EMX1: variants seen among roughly 807,000 people sequenced by gnomAD.
The protein encoded by EMX1 is homeobox protein EMX1.
EMX1 carries 10 observed loss-of-function variants against 20.1 expected under a neutral mutation model. The ratio of observed to expected loss-of-function variants is 0.50; its 90% CI spans 0.31 to 0.84. EMX1 has a LOEUF of 0.84. EMX1 is among the 40% of genes least tolerant of loss of function. EMX1 has a pLI of 0.05. For synonymous variants in EMX1, 250 were observed against 200.4 expected (o/e 1.25, Z -2.09); for missense variants, 424 against 431.9 (o/e 0.98, Z 0.16).
At chr2:72,924,622 C>T (rs1671163201) in intron 2 of EMX1, 129 bp downstream of exon 2, 1 of 1,148,846 alleles carries the variant, frequency 8.7e-7, no homozygotes, top group Non-Finnish European at 1.2e-6. Context: ...CCCCATTCCC[C>T]GCGGCGCTGC....
intron 1 of EMX1, 119 bp downstream of exon 1, chr2:72,918,491 C>A (rs1174383791): frequency 3.2e-6 from 4 of 1,269,242 alleles, no homozygotes. Flanking sequence ...GGCTGCAGGT[C>A]CGCGGAGGTA....
chr2:72,926,200 AT>A, intron 2 of EMX1: 3 of 985,374 alleles, frequency 3.0e-6, no homozygotes, highest in Non-Finnish European at 3.6e-6. Context: ...TAAACTTTCA[AT>A]TTTTTAGCTC....
chr2:72,916,545 C>T, upstream of EMX1: 1 of 612,248 alleles, frequency 1.6e-6, no homozygotes, highest in Non-Finnish European at 2.9e-6. Context: ...TGAGAACTGC[C>T]CCCGGGGAAT....
intron 1 of EMX1, among the ~76,000 whole-genome samples, chr2:72,921,876 C>T (rs1209838092): frequency 1.3e-5 from 2 of 152,210 alleles, no homozygotes; most frequent in Non-Finnish European, 2.9e-5. Flanking sequence ...GGTACAGAAG[C>T]TTGTTGCCTT....
chr2:72,923,789 C>T (rs1007152606), intron 1 of EMX1: 2 of 204,620 alleles, frequency 9.8e-6, no homozygotes, highest in Admixed American at 1.1e-4. Context: ...GTGTGCCTAG[C>T]ACCCCGCTGC....
At chr2:72,927,275 C>A (rs1290564527) in intron 2 of EMX1, among the ~76,000 whole-genome samples, 1 of 152,228 alleles carries the variant, frequency 6.6e-6, no homozygotes, top group Non-Finnish European at 1.5e-5. Flanking sequence ...TCGCAACTGA[C>A]AAACAGTATA....
At chr2:72,924,891 A>C (rs142853156) in intron 2 of EMX1, among the ~76,000 whole-genome samples, 9 of 152,130 alleles carry the variant, frequency 5.9e-5, no homozygotes, top group African/African-American at 2.2e-4. Context: ...TTTTCCCGCC[A>C]CTGTGTCGGG....
Position 72,934,320 on chromosome 2 carries a change from G to A in EMX1, c.*366G>A, listed in dbSNP as rs1671331405. The stretch of plus-strand genomic sequence containing the variant: ...GATCCCCAGTGTCCCCCTTCCCTAT[G>A]GGAATAATAAAAGTCTCTCTCTTAA... On this transcript the variant is annotated 3_prime_UTR_variant, in exon 3 of 3. Transcript: ENST00000258106. The A allele has an allele frequency of 1.6e-5, 3 of 188,504 alleles. No individual in the cohort carries two copies. The highest frequency in any genetic ancestry group is 7.0e-5 in the African/African-American group (3 of 42,554). 11.7% of individuals were successfully genotyped at this position (188,504 alleles called of 1,614,324 possible).
At chr2:72,928,293 A>G (rs1216465981) in intron 2 of EMX1, among the ~76,000 whole-genome samples, 1 of 152,228 alleles carries the variant, frequency 6.6e-6, no homozygotes, top group Non-Finnish European at 1.5e-5. Context: ...CTGGTTGGGC[A>G]GACCTGGGCC....
intron 1 of EMX1, among the ~76,000 whole-genome samples, chr2:72,919,582 C>G (rs906557218): frequency 6.6e-6 from 1 of 152,200 alleles, no homozygotes; most frequent in Non-Finnish European, 1.5e-5. Flanking sequence ...TGAAAATTAT[C>G]TCTTGACACT....
In EMX1 at chr2:72,917,808, C is replaced by CGCGA. The variant is rs1352468237; in HGVS notation, c.-41_-38dup. 5.5e-6 allele frequency: 7 copies of CGCGA among 1,273,776 alleles called. No individual in the cohort carries two copies. The highest frequency in any genetic ancestry group is 6.9e-6 in the Non-Finnish European group (7 of 1,013,008). The allele number at this position is 1,273,776 out of a possible 1,614,324, so 78.9% of individuals were successfully genotyped here. A position where few individuals can be genotyped will look rare whatever the true frequency, so the allele number is the denominator to read the frequency against. ...GCCTGGCTCGCCCGCGGGGGCCGAG[C>CGCGA]GCGAGCGGGCGGGCGGGGGAGGTGA... On this transcript the variant is annotated 5_prime_UTR_variant, in exon 1 of 3. Transcript: ENST00000258106.
upstream of EMX1, chr2:72,916,928 G>C (rs1387664000): frequency 1.4e-6 from 1 of 717,226 alleles, no homozygotes. Context: ...GGCTTCTCCC[G>C]CGCAGTGCCC....
At chr2:72,918,443 G>A (rs565656478) in intron 1 of EMX1, 71 bp downstream of exon 1, 8 of 1,348,562 alleles carry the variant, frequency 5.9e-6, no homozygotes, top group South Asian at 3.6e-5. Flanking sequence ...GGGGAGGCTC[G>A]GGGGCGCGCG....
upstream of EMX1, chr2:72,916,984 G>A: frequency 2.8e-6 from 2 of 709,768 alleles, no homozygotes; most frequent in Non-Finnish European, 5.3e-6. Context: ...TTCCAGAGCT[G>A]TCCCCCGTGA....
Position 72,917,876 on chromosome 2 carries a change from C to A in EMX1, c.24C>A (p.Pro8=), listed in dbSNP as rs1355448594. 2 of 1,477,764 alleles carry A rather than the reference C, an allele frequency of 1.4e-6. No individual in the cohort carries two copies. The highest frequency in any genetic ancestry group is 2.5e-5 in the South Asian group (2 of 78,596). The allele number at this position is 1,477,764 out of a possible 1,614,324, so 91.5% of individuals were successfully genotyped here. A position where few individuals can be genotyped will look rare whatever the true frequency, so the allele number is the denominator to read the frequency against. MCLAGCT[P]RKAAAPGRGA... ...GCATGTGCCTGGCTGGGTGCACACC[C>A]CGCAAGGCGGCGGCGCCAGGACGCG... The change falls in exon 1 of 3, where the codon CCC becomes CCA. Residue 8 remains proline, a synonymous_variant. Transcript: ENST00000258106.
chr2:72,934,850 A>G lies in EMX1; in HGVS notation c.*896A>G, dbSNP rs1213691190. ...CGCTGGGCAGGTTGAGACTGCAGAG[A>G]CAGGGCTTAAGGCTGAGCCTGCAAC... is the stretch of plus-strand genomic sequence containing the variant. On this transcript the variant is annotated 3_prime_UTR_variant, in exon 3 of 3. Coordinates refer to ENST00000258106, the MANE Select transcript of EMX1 (RefSeq NM_004097.3). 1 of 152,168 alleles carries G rather than the reference A, an allele frequency of 6.6e-6. No homozygotes were observed. The highest frequency in any genetic ancestry group is 1.5e-5 in the Non-Finnish European group (1 of 68,060). 9.4% of individuals were successfully genotyped at this position (152,168 alleles called of 1,614,324 possible).
chr2:72,919,304 T>G (rs1559057523), intron 1 of EMX1, among the ~76,000 whole-genome samples: 2 of 148,976 alleles, frequency 1.3e-5, no homozygotes, highest in Admixed American at 1.3e-4. Context: ...GGAGTTTGTT[T>G]TTTTCTTTTC....
At chr2:72,925,901 T>TCTAA in intron 2 of EMX1, 1 of 985,442 alleles carries the variant, frequency 1.0e-6, no homozygotes, top group Non-Finnish European at 1.2e-6. Context: ...GCTGGGCTGT[T>TCTAA]CTAACTGCAG....
At chr2:72,932,820 T>C (rs1191637618) in intron 2 of EMX1, among the ~76,000 whole-genome samples, 1 of 152,100 alleles carries the variant, frequency 6.6e-6, no homozygotes, top group East Asian at 1.9e-4. Flanking sequence ...GCTCCCTGGG[T>C]TCAAAGTAGA....
Sources: gnomAD v4.1 joint callset for allele counts (sites outside exome capture counted in the v4.1 genomes callset) on GRCh38, gnomAD v4.1.1 for gene constraint, MANE v1.5 for transcripts, NCBI Gene and HGNC (gene_info 2026-07-23, HGNC 2026-07-21) for gene names.